Variants in ADAMTSL1 observed in about 807,000 individuals in gnomAD.
ADAMTSL1 encodes ADAMTS-like protein 1.
In ADAMTSL1, 126 loss-of-function variants were observed where a neutral mutation model predicts 201.8. That is an observed-to-expected ratio of 0.62 (90% CI 0.54 to 0.72). The LOEUF (loss-of-function observed/expected upper bound fraction) is 0.72, where lower values mean the gene tolerates loss of function less well. Ranked by LOEUF, ADAMTSL1 falls within the 30% of genes least tolerant of loss-of-function variation. The pLI, the probability that ADAMTSL1 is intolerant of heterozygous loss-of-function variation, is 0.00. For synonymous variants in ADAMTSL1, 1,121 were observed against 903.4 expected, an observed-to-expected ratio of 1.24 and a Z score of -4.32; for missense variants, 2,679 against 2,277.8, an observed-to-expected ratio of 1.18 and a Z score of -3.59.
At position 18,905,797 on chromosome 9, in the gene ADAMTSL1, A is replaced by G. The variant is rs149316235; in HGVS notation, c.4867A>G (p.Ile1623Val). 3.5e-3 allele frequency: 5,605 copies of G among 1,613,310 alleles called. 16 individuals carry two copies. Among genetic ancestry groups the G allele is most frequent in the Admixed American group, 3.8e-3 (225 of 59,976 alleles). The change falls in exon 27 of 29, where the codon ATC (isoleucine) becomes GTC (valine). Residue 1623 changes from isoleucine (I) to valine (V), a missense_variant. Transcript: ENST00000380548. ...SSWGQCNGPC[I>V]GPHLAVQHRQ... ...TGCTTTCCAGTGCAATGGGCCTTGC[A>G]TCGGGCCTCACCTAGCTGTGCAACA...
chr9:17,920,755 A>G (rs745773260), intron 1 of ADAMTSL1, among the ~76,000 whole-genome samples: 3 of 152,218 alleles, frequency 2.0e-5, no homozygotes, highest in Non-Finnish European at 4.4e-5. Flanking sequence ...TAAATGTTTT[A>G]GGCTTTGTGG....
intron 2 of ADAMTSL1, among the ~76,000 whole-genome samples, chr9:18,356,595 A>G (rs911197573): frequency 8.7e-5 from 9 of 103,158 alleles, no homozygotes; most frequent in African/African-American, 3.2e-4. Context: ...GCTACTCAAT[A>G]CACAATAAAA....
intron 22 of ADAMTSL1, among the ~76,000 whole-genome samples, chr9:18,827,308 C>T (rs184256476): frequency 6.6e-6 from 1 of 151,992 alleles, no homozygotes; most frequent in East Asian, 1.9e-4. Context: ...TAATTCATGC[C>T]ACACATACAT....
At chr9:18,521,491 T>C (rs1818689061) in intron 2 of ADAMTSL1, among the ~76,000 whole-genome samples, 1 of 151,822 alleles carries the variant, frequency 6.6e-6, no homozygotes, top group African/African-American at 2.4e-5. Context: ...AATAAATATA[T>C]ATTTATTCAA....
At chr9:18,389,955 G>A (rs1301588595) in intron 2 of ADAMTSL1, among the ~76,000 whole-genome samples, 1 of 152,036 alleles carries the variant, frequency 6.6e-6, no homozygotes, top group Non-Finnish European at 1.5e-5. Context: ...CCTATAGCTT[G>A]CATTGTTCCA....
In ADAMTSL1 at chr9:18,746,479, G is replaced by A. The variant is rs142028971; in HGVS notation, c.2007-6819G>A. Among the ~76,000 whole-genome samples, 171 of 152,276 alleles carry A rather than the reference G, an allele frequency of 1.1e-3. 1 individual carries two copies. The highest frequency in any genetic ancestry group is 4.0e-3 in the African/African-American group (165 of 41,556). On this transcript the variant is annotated intron_variant, in intron 15 of 28. Coordinates refer to ENST00000380548, the MANE Select transcript of ADAMTSL1 (RefSeq NM_001040272.6). ...AGTGTTGGGCAGAAATGTCACACAA[G>A]TTTAAAGAATACTTCTAAAAAATAA...
intron 1 of ADAMTSL1, among the ~76,000 whole-genome samples, chr9:18,156,328 GA>G (rs1315731169): frequency 6.6e-6 from 1 of 151,962 alleles, no homozygotes; most frequent in East Asian, 1.9e-4. Flanking sequence ...CAGGGGTGAA[GA>G]AAGAAGTTCC....
At chr9:18,686,345 T>C (rs968786566) in intron 13 of ADAMTSL1, among the ~76,000 whole-genome samples, 1 of 152,208 alleles carries the variant, frequency 6.6e-6, no homozygotes, top group Non-Finnish European at 1.5e-5. Context: ...CTGCAGAACT[T>C]TGGAGGAAAG....
chr9:18,399,905 A>G (rs534372507), intron 2 of ADAMTSL1, among the ~76,000 whole-genome samples: 1 of 152,258 alleles, frequency 6.6e-6, no homozygotes, highest in Admixed American at 6.5e-5. Flanking sequence ...GCAATAACTC[A>G]GGAAAGGACT....
intron 4 of ADAMTSL1, among the ~76,000 whole-genome samples, chr9:18,579,243 G>T: frequency 6.8e-6 from 1 of 148,140 alleles, no homozygotes; most frequent in Admixed American, 6.9e-5. Flanking sequence ...ACTATCGCAA[G>T]AACAAAAAAC....
intron 2 of ADAMTSL1, among the ~76,000 whole-genome samples, chr9:18,202,400 A>G (rs1046375565): frequency 6.6e-6 from 1 of 152,242 alleles, no homozygotes; most frequent in African/African-American, 2.4e-5. Context: ...ATGTTCTTTC[A>G]ATACGTGTGC....
chr9:18,667,568 C>T (rs910071539), intron 9 of ADAMTSL1, among the ~76,000 whole-genome samples: 4 of 152,096 alleles, frequency 2.6e-5, no homozygotes, highest in African/African-American at 4.8e-5. Context: ...AATAACAATA[C>T]TTACCTCATA....
intron 1 of ADAMTSL1, among the ~76,000 whole-genome samples, chr9:17,957,948 A>C (rs1050661739): frequency 1.3e-5 from 2 of 152,144 alleles, no homozygotes; most frequent in Admixed American, 6.6e-5. Flanking sequence ...AGCCTCCATG[A>C]CTGGGAGAGA....
intron 2 of ADAMTSL1, among the ~76,000 whole-genome samples, chr9:18,214,505 C>A (rs937997486): frequency 6.6e-6 from 1 of 151,980 alleles, no homozygotes; most frequent in Non-Finnish European, 1.5e-5. Context: ...CATCTGATGG[C>A]GATGCCAACT....
intron 1 of ADAMTSL1, among the ~76,000 whole-genome samples, chr9:18,077,117 A>G (rs1823267559): frequency 6.6e-6 from 1 of 152,156 alleles, no homozygotes; most frequent in African/African-American, 2.4e-5. Flanking sequence ...TTATTGGTCT[A>G]TTTTGGACCA....
At chr9:18,503,012 A>G (rs374428596) in intron 1 of ADAMTSL1, among the ~76,000 whole-genome samples, 151 of 152,210 alleles carry the variant, frequency 9.9e-4, no homozygotes, top group Non-Finnish European at 1.9e-3. Flanking sequence ...ATGTATGTTT[A>G]TATTTGTTTT....
At chr9:18,591,267 T>C (rs949548334) in intron 4 of ADAMTSL1, among the ~76,000 whole-genome samples, 1 of 152,214 alleles carries the variant, frequency 6.6e-6, no homozygotes, top group Non-Finnish European at 1.5e-5. Flanking sequence ...TTTATCATTA[T>C]ATAATGACCT....
intron 2 of ADAMTSL1, among the ~76,000 whole-genome samples, chr9:18,263,806 C>T (rs980910784): frequency 1.3e-5 from 2 of 152,096 alleles, no homozygotes; most frequent in Admixed American, 6.5e-5. Context: ...GGGAAGGCCA[C>T]GTGAACACAC....
Position 18,826,459 on chromosome 9 carries a change from C to A in ADAMTSL1, c.4110C>A (p.Ile1370=), listed in dbSNP as rs1452295717. 2.5e-6 allele frequency: 4 copies of A among 1,612,082 alleles called. No individual in the cohort carries two copies. The African/African-American group carries it at 5.3e-5, about 22-fold the overall frequency. Residue 1370 remains isoleucine (I), a synonymous_variant, in exon 22 of 29, where the codon ATC becomes ATA. Transcript: ENST00000380548. ...TGACTGAGAGCACCCAGCTGCTGAT[C>A]CTAGGTAAACACTTCAAAGCTGGCT... ...GELTESTQLL[I]LDPPQVPTQL...
Sources: gnomAD v4.1 joint callset for allele counts (sites outside exome capture counted in the v4.1 genomes callset) on GRCh38, gnomAD v4.1.1 for gene constraint, MANE v1.5 for transcripts, NCBI Gene and HGNC (gene_info 2026-07-23, HGNC 2026-07-21) for gene names.